TNKS1BP1: variants seen among roughly 807,000 people sequenced by gnomAD.
The protein encoded by TNKS1BP1 is CCR4-NOT transcription complex subunit 12.
TNKS1BP1 carries 48 observed loss-of-function variants against 141.1 expected under a neutral mutation model. The observed-to-expected ratio is 0.34, with a 90% CI of 0.27 to 0.43. The LOEUF is 0.43. Among genes scored for constraint, TNKS1BP1 ranks in the 20% least tolerant of loss-of-function variants. The probability of loss-of-function intolerance (pLI) is 1.00; values close to 1 mark genes in which losing one functional copy is unlikely to be tolerated. For synonymous variants in TNKS1BP1, 875 were observed against 898.2 expected (o/e 0.97, Z 0.46); for missense variants, 2,149 against 2,226.0 (o/e 0.97, Z 0.70).
chr11:57,315,920 C>A (rs1248675164), intron 4 of TNKS1BP1, among the ~76,000 whole-genome samples: 1 of 151,936 alleles, frequency 6.6e-6, no homozygotes, highest in Non-Finnish European at 1.5e-5. Flanking sequence ...CATCAGCACA[C>A]AAACTGCTCT....
chr11:57,300,465 C>G lies in TNKS1BP1; in HGVS notation c.*12+63G>C, dbSNP rs572134116. On this transcript the variant is annotated intron_variant, in intron 11 of 11. Coordinates refer to ENST00000358252, the MANE Select transcript of TNKS1BP1 (RefSeq NM_033396.3). ...GCTAAGGGACAGAAGGGGCATGAGG[C>G]CTCCGAAGCCTCCAGGGCAGGCCCT... The G allele has an allele frequency of 1.3e-5, 20 of 1,492,586 alleles. No homozygotes were observed. The East Asian group carries it at 4.3e-4, about 32-fold the overall frequency. The allele number at this position is 1,492,586 out of a possible 1,614,324, so 92.5% of individuals were successfully genotyped here.
intron 6 of TNKS1BP1, 50 bp downstream of exon 6, chr11:57,308,345 C>G (rs1438597364): frequency 2.6e-6 from 4 of 1,542,126 alleles, no homozygotes; most frequent in Non-Finnish European, 3.5e-6. Flanking sequence ...ATTTCTTGGA[C>G]AGCCTTCACA....
At chr11:57,322,272 C>T in intron 1 of TNKS1BP1, 2 of 1,031,298 alleles carry the variant, frequency 1.9e-6, no homozygotes, top group South Asian at 7.5e-5. Flanking sequence ...GACGGCCCCG[C>T]TGGAGGTGTC....
At chr11:57,316,786 C>A (rs898119507) in intron 4 of TNKS1BP1, among the ~76,000 whole-genome samples, 1 of 152,202 alleles carries the variant, frequency 6.6e-6, no homozygotes, top group Non-Finnish European at 1.5e-5. Context: ...TACCTCCCTG[C>A]AACTGATTCT....
At chr11:57,304,866 C>G (rs113692993) in intron 6 of TNKS1BP1, among the ~76,000 whole-genome samples, 1 of 114,372 alleles carries the variant, frequency 8.7e-6, no homozygotes, top group Non-Finnish European at 1.8e-5. Context: ...GAGCAAAACT[C>G]CGTCTCAAAA....
intron 5 of TNKS1BP1, chr11:57,311,098 G>A (rs569489354): frequency 2.7e-5 from 11 of 414,376 alleles, no homozygotes; most frequent in Non-Finnish European, 2.9e-5. Flanking sequence ...CCAAAGTGCC[G>A]TCTGCTCAAT....
intron 4 of TNKS1BP1, among the ~76,000 whole-genome samples, chr11:57,316,535 A>G (rs1293486482): frequency 6.6e-6 from 1 of 152,148 alleles, no homozygotes; most frequent in African/African-American, 2.4e-5. Flanking sequence ...CACCCTTAGA[A>G]GTCCCCGTCT....
In TNKS1BP1 at chr11:57,310,066, C is replaced by A. The variant is rs1855680753; in HGVS notation, c.2645G>T (p.Ser882Ile). Residue 882 changes from serine (S) to isoleucine (I), a missense_variant, in exon 6 of 12, where the codon AGC (serine) becomes ATC (isoleucine). Ser to Ile is a moderately radical substitution (Grantham distance 142). Transcript: ENST00000358252. ...CTTCCCAAATTCCCAGTCCCCAAGG[C>A]TTACATCTCGACTACTGTAGGTACC... ...SLGTYSSRDV[S>I]LGDWEFGKRD... 2 of 1,614,232 alleles carry A rather than the reference C, an allele frequency of 1.2e-6. No individual in the cohort carries two copies. The highest frequency in any genetic ancestry group is 1.7e-6 in the Non-Finnish European group (2 of 1,180,030).
rs1175950190 is a variant in TNKS1BP1, at chr11:57,313,621, A to C, written c.1067T>G (p.Leu356Arg). The C allele has an allele frequency of 6.3e-7, 1 of 1,588,602 alleles. No individual in the cohort carries two copies. Among genetic ancestry groups the C allele is most frequent in the Non-Finnish European group, 8.6e-7 (1 of 1,167,612 alleles). The change falls in exon 5 of 12, where the codon CTC becomes CGC. Residue 356 changes from leucine to arginine, a missense_variant. Coordinates refer to ENST00000358252, the MANE Select transcript of TNKS1BP1 (RefSeq NM_033396.3). ...EGSRHTPSPGLPAEGAPEAPR... is the reference protein window; with the variant it reads ...EGSRHTPSPGRPAEGAPEAPR... Reference sequence around the variant, plus strand: ...GGCCTCTGGAGCCCCCTCGGCAGGGAGCCCCGGGCTGGGGGTGTGGCGGGA... The same window carrying C: ...GGCCTCTGGAGCCCCCTCGGCAGGGCGCCCCGGGCTGGGGGTGTGGCGGGA...
rs372306903 is a variant in TNKS1BP1, at chr11:57,320,270, G to A, written c.537C>T (p.Pro179=). 1.4e-4 allele frequency: 227 copies of A among 1,614,152 alleles called. No individual in the cohort carries two copies. The Middle Eastern group carries it at 2.5e-3, about 18-fold the overall frequency. The stretch of plus-strand genomic sequence containing the variant: ...TGAGGCGGGAACCCCACAGGCGGTC[G>A]GGGCTGGCAAGGACCTCCTTCCGAG... ...EQPRKEVLAS[P]DRLWGSRLTF... is the part of the protein sequence containing the mutation. The change falls in exon 3 of 12, where the codon CCC becomes CCT. Residue 179 remains proline, a synonymous_variant. Coordinates refer to ENST00000358252, the MANE Select transcript of TNKS1BP1 (RefSeq NM_033396.3).
At chr11:57,316,218 G>A (rs764270446) in intron 4 of TNKS1BP1, among the ~76,000 whole-genome samples, 22 of 151,988 alleles carry the variant, frequency 1.4e-4, no homozygotes, top group African/African-American at 4.8e-4. Context: ...AGCTGATGGC[G>A]CCCTCCCCCA....
At position 57,309,734 on chromosome 11, in the gene TNKS1BP1, G is replaced by A; in HGVS notation, c.2977C>T (p.Gln993Ter). 1 of 1,614,204 alleles carries A rather than the reference G, an allele frequency of 6.2e-7. No individual in the cohort carries two copies. Among genetic ancestry groups the A allele is most frequent in the Non-Finnish European group, 8.5e-7 (1 of 1,180,038 alleles). The change falls in exon 6 of 12, where the codon CAA (glutamine) becomes TAA (stop). Residue 993 changes from glutamine (Q) to a stop codon, truncating the protein, a stop_gained. Transcript: ENST00000358252. LOFTEE classifies it high-confidence loss of function. The surrounding 1 kb of genome is among the most constrained non-coding windows in gnomAD (Gnocchi z 4.3). ...TTCTTCTCAAATTCCTCATCCTGTTGCTGGGCTTCCTCGGGGCTGAACCCA... is the reference window on the plus strand; with the variant it reads ...TTCTTCTCAAATTCCTCATCCTGTTACTGGGCTTCCTCGGGGCTGAACCCA... ...SSGFSPEEAQQQDEEFEKKIP... is the reference protein window; with the variant it reads ...SSGFSPEEAQ
At position 57,302,836 on chromosome 11, in the gene TNKS1BP1, G is replaced by A. The variant is rs1287670476; in HGVS notation, c.4317-11C>T. The A allele has an allele frequency of 1.3e-6, 2 of 1,508,484 alleles. No individual in the cohort carries two copies. Among genetic ancestry groups the A allele is most frequent in the East Asian group, 2.3e-5 (1 of 43,422 alleles). The allele number at this position is 1,508,484 out of a possible 1,614,324, so 93.4% of individuals were successfully genotyped here. A position where few individuals can be genotyped will look rare whatever the true frequency, so the allele number is the denominator to read the frequency against. On this transcript the variant is annotated splice_polypyrimidine_tract_variant and intron_variant, in intron 6 of 11. Coordinates refer to ENST00000358252, the MANE Select transcript of TNKS1BP1 (RefSeq NM_033396.3). The surrounding 1 kb of genome is among the most constrained non-coding windows in gnomAD (Gnocchi z 5.5). ...GGGCACCTGCCAGGGCTGTAAAGGGGACAGAGAGAGAACGAGATCATCGTA... is the reference window on the plus strand; with the variant it reads ...GGGCACCTGCCAGGGCTGTAAAGGGAACAGAGAGAGAACGAGATCATCGTA...
chr11:57,308,760 C>G lies in TNKS1BP1; in HGVS notation c.3951G>C (p.Leu1317=), dbSNP rs758835741. Residue 1317 remains leucine, a synonymous_variant, in exon 6 of 12, where the codon CTG becomes CTC. Transcript: ENST00000358252. Reference sequence around the variant, plus strand: ...GGTCACAGGTCACCTCCAAATCCCTCAGGCCCAGATTGTTACCCCAGTCCA... The same window carrying G: ...GGTCACAGGTCACCTCCAAATCCCTGAGGCCCAGATTGTTACCCCAGTCCA... ...GQMDWGNNLG[L]RDLEVTCDPD... 9 of 1,614,074 alleles carry G rather than the reference C, an allele frequency of 5.6e-6. No individual in the cohort carries two copies. Among genetic ancestry groups the G allele is most frequent in the Non-Finnish European group, 7.6e-6 (9 of 1,180,024 alleles).
intron 6 of TNKS1BP1, chr11:57,303,234 C>T (rs1855557250): frequency 6.0e-6 from 1 of 166,218 alleles, no homozygotes; most frequent in Non-Finnish European, 1.3e-5. Context: ...CGGGCAGTCA[C>T]ACTCCTTGGG....
chr11:57,302,436 T>G lies in TNKS1BP1; in HGVS notation c.4683+23A>C. On this transcript the variant is annotated intron_variant, in intron 7 of 11. Coordinates refer to ENST00000358252, the MANE Select transcript of TNKS1BP1 (RefSeq NM_033396.3). The surrounding 1 kb of genome is among the most constrained non-coding windows in gnomAD (Gnocchi z 5.5). ...CTGCATCGCCCTCACCCACCCACTG[T>G]CATGGGCTCACCCTCCACTGACCTC... is the stretch of plus-strand genomic sequence containing the variant. 1 of 1,572,146 alleles carries G rather than the reference T, an allele frequency of 6.4e-7. No homozygotes were observed. The highest frequency in any genetic ancestry group is 8.7e-7 in the Non-Finnish European group (1 of 1,154,784).
chr11:57,316,190 C>G (rs1276556631), intron 4 of TNKS1BP1, among the ~76,000 whole-genome samples: 1 of 152,162 alleles, frequency 6.6e-6, no homozygotes. Context: ...CTTACTTGAC[C>G]TGTCAGTGGC....
chr11:57,313,016 C>T lies in TNKS1BP1; in HGVS notation c.1672G>A (p.Gly558Arg), dbSNP rs1253689550. ...PSMSLTQKGD[G>R]ESQPQFPAVP... is the part of the protein sequence containing the mutation. The stretch of plus-strand genomic sequence containing the variant: ...GCTGGGAATTGAGGTTGACTCTCCC[C>T]ATCGCCCTTCTGGGTGAGGGACATG... The change falls in exon 5 of 12, where the codon GGG becomes AGG. Residue 558 changes from glycine (G) to arginine (R), a missense_variant. Gly to Arg is a moderately radical substitution (Grantham distance 125). Coordinates refer to ENST00000358252, the MANE Select transcript of TNKS1BP1 (RefSeq NM_033396.3). The T allele has an allele frequency of 1.9e-6, 3 of 1,613,956 alleles. No individual in the cohort carries two copies. The highest frequency in any genetic ancestry group is 1.7e-6 in the Non-Finnish European group (2 of 1,180,022).
Position 57,309,323 on chromosome 11 carries a change from C to A in TNKS1BP1, c.3388G>T (p.Asp1130Tyr). 1 of 1,614,154 alleles carries A rather than the reference C, an allele frequency of 6.2e-7. No individual in the cohort carries two copies. The highest frequency in any genetic ancestry group is 8.5e-7 in the Non-Finnish European group (1 of 1,180,028). Reference sequence around the variant, plus strand: ...CTAAAGCCAGCACCACTCACTCTGTCGTTGCCAATGATGCCAAACTGATAG... The same window carrying A: ...CTAAAGCCAGCACCACTCACTCTGTAGTTGCCAATGATGCCAAACTGATAG... ...RSYQFGIIGN[D>Y]RVSGAGFSPS... The change falls in exon 6 of 12, where the codon GAC (aspartate) becomes TAC (tyrosine). Residue 1130 changes from aspartate (D) to tyrosine (Y), a missense_variant. Physicochemically the swap from Asp to Tyr is radical, Grantham distance 160. Transcript: ENST00000358252. This position sits in a 1 kb window ranked among gnomAD's most constrained non-coding sequence, Gnocchi z 4.3.
Sources: allele counts gnomAD v4.1 joint callset (sites outside exome capture counted in the v4.1 genomes callset), GRCh38; gene constraint gnomAD v4.1.1; non-coding constraint Gnocchi (gnomAD v3.1); transcripts MANE v1.5; gene names NCBI Gene and HGNC (gene_info 2026-07-23, HGNC 2026-07-21).